AADACL4: variants seen among roughly 807,000 people sequenced by gnomAD.
AADACL4 encodes the protein arylacetamide deacetylase-like 4.
A neutral mutation model predicts 14.1 loss-of-function variants in AADACL4; 9 were observed. The ratio of observed to expected loss-of-function variants is 0.64; its 90% CI spans 0.39 to 1.12. AADACL4 has a LOEUF of 1.12. AADACL4 is among the 50% of genes most tolerant of loss of function. The pLI, the probability that AADACL4 is intolerant of heterozygous loss-of-function variation, is 0.01. For missense variants in AADACL4, 531 were observed against 516.1 expected (o/e 1.03, Z -0.28); for synonymous variants, 188 against 201.6 (o/e 0.93, Z 0.57).
chr1:12,645,144 C>T (rs1647103133), intron 1 of AADACL4, among the ~76,000 whole-genome samples: 1 of 139,294 alleles, frequency 7.2e-6, no homozygotes, highest in South Asian at 2.5e-4. Context: ...TTCCTCCTTC[C>T]CTCCTTCCTT....
At chr1:12,653,227 A>T (rs1647160019) in intron 2 of AADACL4, among the ~76,000 whole-genome samples, 1 of 152,242 alleles carries the variant, frequency 6.6e-6, no homozygotes, top group South Asian at 2.1e-4. Flanking sequence ...CATCCTTTTG[A>T]CATGGAACTG....
In AADACL4 at chr1:12,651,514, G is replaced by A. The variant is rs113980933; in HGVS notation, c.385+175G>A. Among the ~76,000 whole-genome samples, 243 of 152,298 alleles carry A rather than the reference G, an allele frequency of 1.6e-3. 2 individuals carry two copies. The highest frequency in any genetic ancestry group is 5.7e-3 in the African/African-American group (235 of 41,568). ...TGGGCTCAGGTCAGTAGATAGTGTGGCAGCTGACATGGGAATCCTTTTCTT... is the reference window on the plus strand; with the variant it reads ...TGGGCTCAGGTCAGTAGATAGTGTGACAGCTGACATGGGAATCCTTTTCTT... On this transcript the variant is annotated intron_variant, in intron 2 of 3. Transcript: ENST00000376221.
intron 2 of AADACL4, among the ~76,000 whole-genome samples, chr1:12,653,699 T>A (rs1434352308): frequency 6.6e-6 from 1 of 152,176 alleles, no homozygotes; most frequent in Non-Finnish European, 1.5e-5. Context: ...TGCTGCTTTG[T>A]TTGTGGAGGT....
In AADACL4 at chr1:12,666,093, C is replaced by T. The variant is rs756895535; in HGVS notation, c.582C>T (p.Val194=). ...GGGTTGTGGTCTGTGGAGAAAGCGT[C>T]GGAGGTGCAGCGGTGGCCGCCATCA... ...PSRVVVCGES[V]GGAAVAAITQ... is the part of the protein sequence containing the mutation. The change falls in exon 4 of 4, where the codon GTC becomes GTT. Residue 194 remains valine, a synonymous_variant. Coordinates refer to ENST00000376221, the MANE Select transcript of AADACL4 (RefSeq NM_001013630.2). The T allele has an allele frequency of 1.2e-5, 20 of 1,614,116 alleles. No individual in the cohort carries two copies. Among genetic ancestry groups the T allele is most frequent in the Admixed American group, 1.7e-5 (1 of 60,002 alleles).
chr1:12,650,465 G>C (rs2100759217), intron 1 of AADACL4, among the ~76,000 whole-genome samples: 1 of 152,060 alleles, frequency 6.6e-6, no homozygotes, highest in South Asian at 2.1e-4. Context: ...TCCCAGGCTG[G>C]GGAGAGTCCA....
chr1:12,647,952 C>T (rs1314299610), intron 1 of AADACL4, among the ~76,000 whole-genome samples: 1 of 152,034 alleles, frequency 6.6e-6, no homozygotes, highest in African/African-American at 2.4e-5. Context: ...GCCACTGTGC[C>T]CAGCCACTAT....
chr1:12,659,703 C>T (rs1464144720), intron 2 of AADACL4, among the ~76,000 whole-genome samples: 6 of 152,120 alleles, frequency 3.9e-5, no homozygotes, highest in Admixed American at 6.5e-5. Flanking sequence ...AGTGCAGTGG[C>T]GTGATCACAG....
chr1:12,647,903 C>T (rs1299941060), intron 1 of AADACL4, among the ~76,000 whole-genome samples: 1 of 152,164 alleles, frequency 6.6e-6, no homozygotes, highest in African/African-American at 2.4e-5. Context: ...AGAGATCCGC[C>T]TGCCTTGGCC....
At chr1:12,652,334 T>C (rs1278857369) in intron 2 of AADACL4, among the ~76,000 whole-genome samples, 1 of 152,186 alleles carries the variant, frequency 6.6e-6, no homozygotes, top group African/African-American at 2.4e-5. Flanking sequence ...CTACCTGCTG[T>C]TTCCTCAGTC....
chr1:12,666,775 G>A lies in AADACL4; in HGVS notation c.*40G>A. 1 of 1,531,766 alleles carries A rather than the reference G, an allele frequency of 6.5e-7. No individual in the cohort carries two copies. Among genetic ancestry groups the A allele is most frequent in the Non-Finnish European group, 8.7e-7 (1 of 1,145,722 alleles). 94.9% of individuals were successfully genotyped at this position (1,531,766 alleles called of 1,614,324 possible). On this transcript the variant is annotated 3_prime_UTR_variant, in exon 4 of 4. Coordinates refer to ENST00000376221, the MANE Select transcript of AADACL4 (RefSeq NM_001013630.2). ...CCCCGAGGAGGAAGGGGCAAGTATG[G>A]ACTCTACCAGAAACCGGGTGCTTTA...
intron 2 of AADACL4, among the ~76,000 whole-genome samples, chr1:12,654,562 C>T (rs1030205580): frequency 3.9e-5 from 6 of 152,110 alleles, no homozygotes; most frequent in Non-Finnish European, 8.8e-5. Flanking sequence ...TTTCTAGGGC[C>T]TGATAGAGTG....
intron 1 of AADACL4, among the ~76,000 whole-genome samples, chr1:12,650,297 C>T (rs964705063): frequency 2.0e-5 from 3 of 152,062 alleles, no homozygotes; most frequent in East Asian, 1.9e-4. Flanking sequence ...GTAGAGTGAC[C>T]GTATTAGTTT....
chr1:12,660,129 A>C (rs1196985340), intron 2 of AADACL4, among the ~76,000 whole-genome samples: 2 of 152,056 alleles, frequency 1.3e-5, no homozygotes, highest in African/African-American at 2.4e-5. Context: ...AATTATTTTT[A>C]CAGAGACGGG....
chr1:12,654,120 A>G (rs532897352), intron 2 of AADACL4, among the ~76,000 whole-genome samples: 1 of 152,354 alleles, frequency 6.6e-6, no homozygotes, highest in South Asian at 2.1e-4. Flanking sequence ...AACCATCCAT[A>G]AGATCTAATA....
At chr1:12,648,560 G>GT (rs113386512) in intron 1 of AADACL4, among the ~76,000 whole-genome samples, 7,455 of 139,386 alleles carry the variant, frequency 0.053, 249 homozygotes, top group African/African-American at 0.083. Context: ...CTGTGCCTGG[G>GT]TTTTTTTTTT....
In AADACL4 at chr1:12,644,431, G is replaced by A; in HGVS notation, c.-116G>A. 8.0e-7 allele frequency: 1 copy of A among 1,243,242 alleles called. No homozygotes were observed. Among genetic ancestry groups the A allele is most frequent in the Middle Eastern group, 2.9e-4 (1 of 3,480 alleles). 77.0% of individuals were successfully genotyped at this position (1,243,242 alleles called of 1,614,324 possible). ...GTCAGGCCACTGTGTCAGGTGTCAGGCTTAGCCCAGAGAGAGTGAGGTGGA... is the reference window on the plus strand; with the variant it reads ...GTCAGGCCACTGTGTCAGGTGTCAGACTTAGCCCAGAGAGAGTGAGGTGGA... On this transcript the variant is annotated 5_prime_UTR_variant, in exon 1 of 4. Coordinates refer to ENST00000376221, the MANE Select transcript of AADACL4 (RefSeq NM_001013630.2).
At chr1:12,651,828 A>ATTTTTT (rs34997722) in intron 2 of AADACL4, among the ~76,000 whole-genome samples, 3 of 124,148 alleles carry the variant, frequency 2.4e-5, no homozygotes, top group African/African-American at 9.5e-5. Flanking sequence ...AGCTAGGAGG[A>ATTTTTT]TTTTTTTTTT....
At position 12,666,928 on chromosome 1, in the gene AADACL4, C is replaced by A; in HGVS notation, c.*193C>A. ...CCAAACTGTGTCTGTTTCCTTCCAG[C>A]ACTAACAATGTCCATTGCTGGATCT... On this transcript the variant is annotated 3_prime_UTR_variant, in exon 4 of 4. Coordinates refer to ENST00000376221, the MANE Select transcript of AADACL4 (RefSeq NM_001013630.2). 1.8e-6 allele frequency: 1 copy of A among 561,002 alleles called. No homozygotes were observed. Among genetic ancestry groups the A allele is most frequent in the Non-Finnish European group, 3.0e-6 (1 of 329,124 alleles). The allele number at this position is 561,002 out of a possible 1,614,324, so 34.8% of individuals were successfully genotyped here. A position where few individuals can be genotyped will look rare whatever the true frequency, so the allele number is the denominator to read the frequency against.
At chr1:12,658,139 C>CCTTCCTTCCTTT (rs1439797569) in intron 2 of AADACL4, among the ~76,000 whole-genome samples, 217 of 84,910 alleles carry the variant, frequency 2.6e-3, no homozygotes, top group Non-Finnish European at 3.6e-3. Context: ...TTCCTTCCTT[C>CCTTCCTTCCTTT]CTTTCTTTCT....
Sources: gnomAD v4.1 joint callset for allele counts (sites outside exome capture counted in the v4.1 genomes callset) on GRCh38, gnomAD v4.1.1 for gene constraint, MANE v1.5 for transcripts, NCBI Gene and HGNC (gene_info 2026-07-23, HGNC 2026-07-21) for gene names.